Variants in CYB5B observed in about 807,000 individuals in gnomAD.
The protein encoded by CYB5B is cytochrome b5 type B.
In CYB5B, 14 loss-of-function variants were observed where a neutral mutation model predicts 21.3. The ratio of observed to expected loss-of-function variants is 0.66; its 90% CI spans 0.43 to 1.03. The LOEUF is 1.03. Among genes scored for constraint, CYB5B ranks in the 50% least tolerant of loss-of-function variants. CYB5B has a pLI of 0.00. For synonymous variants in CYB5B, 69 were observed against 68.4 expected (o/e 1.01, Z -0.04); for missense variants, 166 against 185.1 (o/e 0.90, Z 0.60).
At chr16:69,461,873 T>C (rs1036017779) in intron 4 of CYB5B, among the ~76,000 whole-genome samples, 1 of 152,216 alleles carries the variant, frequency 6.6e-6, no homozygotes, top group Non-Finnish European at 1.5e-5. Flanking sequence ...ATTTCCCTTG[T>C]ATGAGATGAG....
chr16:69,447,303 C>T, intron 2 of CYB5B, 25 bp downstream of exon 2: 1 of 1,607,696 alleles, frequency 6.2e-7, no homozygotes, highest in South Asian at 1.1e-5. Flanking sequence ...AGATGGGAGC[C>T]CTTATGCAGA....
At chr16:69,455,371 T>G (rs922539995) in intron 3 of CYB5B, among the ~76,000 whole-genome samples, 2 of 151,744 alleles carry the variant, frequency 1.3e-5, no homozygotes, top group South Asian at 2.1e-4. Flanking sequence ...TCTATGTGGT[T>G]GCCAGTTGAG....
intron 1 of CYB5B, among the ~76,000 whole-genome samples, chr16:69,439,962 G>A (rs2014802503): frequency 6.6e-6 from 1 of 151,838 alleles, no homozygotes; most frequent in African/African-American, 2.4e-5. Flanking sequence ...TTGAACTCCT[G>A]GGCTCAAGCA....
At chr16:69,428,747 C>T (rs1340739627) in intron 1 of CYB5B, among the ~76,000 whole-genome samples, 1 of 151,884 alleles carries the variant, frequency 6.6e-6, no homozygotes, top group African/African-American at 2.4e-5. Flanking sequence ...AGCGATGGTG[C>T]CGAGATAACT....
In CYB5B at chr16:69,446,708, G is replaced by A. The variant is rs551972217; in HGVS notation, c.175-442G>A. On this transcript the variant is annotated intron_variant, in intron 1 of 4. Transcript: ENST00000307892. ...AAAGAATTGCATATACCCTTTGCCT[G>A]GAGTCCTTAGTCAGGTTTCTGCAGC... Among the ~76,000 whole-genome samples the A allele has an allele frequency of 2.6e-5, 4 of 152,326 alleles. No homozygotes were observed. In the East Asian group the frequency reaches 7.7e-4, roughly 29 times the overall value.
At chr16:69,455,448 A>G (rs1329106725) in intron 3 of CYB5B, among the ~76,000 whole-genome samples, 1 of 132,716 alleles carries the variant, frequency 7.5e-6, no homozygotes, top group Non-Finnish European at 1.6e-5. Flanking sequence ...CACTCTTGTC[A>G]CCAGGCTGGA....
intron 4 of CYB5B, 156 bp downstream of exon 4, chr16:69,459,277 T>G: frequency 2.1e-6 from 2 of 974,270 alleles, no homozygotes; most frequent in Non-Finnish European, 2.9e-6. Context: ...TCCTTGACAT[T>G]AGAAAAATTA....
intron 1 of CYB5B, among the ~76,000 whole-genome samples, chr16:69,433,411 G>A (rs2014726611): frequency 1.3e-5 from 2 of 152,140 alleles, no homozygotes; most frequent in African/African-American, 4.8e-5. Flanking sequence ...ACAAGCCAAA[G>A]TGAATGTAGT....
chr16:69,453,932 A>G (rs1467905940), intron 3 of CYB5B, among the ~76,000 whole-genome samples: 1 of 152,226 alleles, frequency 6.6e-6, no homozygotes, highest in Non-Finnish European at 1.5e-5. Context: ...ATAGAATGTG[A>G]TGACAAAATT....
intron 3 of CYB5B, among the ~76,000 whole-genome samples, chr16:69,456,759 A>G (rs1302369898): frequency 6.6e-6 from 1 of 152,216 alleles, no homozygotes; most frequent in Non-Finnish European, 1.5e-5. Context: ...AGCTGTGGAA[A>G]TGAAGACTGG....
At position 69,462,764 on chromosome 16, in the gene CYB5B, C is replaced by T. The variant is rs1290810094; in HGVS notation, c.*244C>T. ...CAATTGCCGGTGTTTCCTCTCTTCA[C>T]TGGTTTCCATGAGTACCCTTATATT... On this transcript the variant is annotated 3_prime_UTR_variant, in exon 5 of 5. Transcript: ENST00000307892. 1.5e-5 allele frequency: 7 copies of T among 466,500 alleles called. No homozygotes were observed. Among genetic ancestry groups the T allele is most frequent in the South Asian group, 1.0e-4 (4 of 38,410 alleles). 28.9% of individuals were successfully genotyped at this position (466,500 alleles called of 1,614,324 possible). A position where few individuals can be genotyped will look rare whatever the true frequency, so the allele number is the denominator to read the frequency against.
At chr16:69,425,043 T>G (rs1455426054) in intron 1 of CYB5B, among the ~76,000 whole-genome samples, 186 bp downstream of exon 1, 2 of 152,206 alleles carry the variant, frequency 1.3e-5, no homozygotes, top group Non-Finnish European at 2.9e-5. Flanking sequence ...GCATTTCCAG[T>G]CAGCTCCGAG....
chr16:69,446,718 G>C (rs570254249), intron 1 of CYB5B, among the ~76,000 whole-genome samples: 1 of 152,338 alleles, frequency 6.6e-6, no homozygotes, highest in Non-Finnish European at 1.5e-5. Context: ...GGAGTCCTTA[G>C]TCAGGTTTCT....
intron 3 of CYB5B, among the ~76,000 whole-genome samples, chr16:69,456,870 A>G (rs770277596): frequency 6.6e-6 from 1 of 152,174 alleles, no homozygotes; most frequent in Non-Finnish European, 1.5e-5. Context: ...GTTTATTTCC[A>G]AATTTGGCTG....
chr16:69,444,295 TGTCTTC>T (rs2014855373), intron 1 of CYB5B: 3 of 152,484 alleles, frequency 2.0e-5, no homozygotes, highest in Admixed American at 2.0e-4. Flanking sequence ...TCCTACCCTC[TGTCTTC>T]ACTGAGAGCT....
chr16:69,438,769 GGA>G (rs1202409253), intron 1 of CYB5B, among the ~76,000 whole-genome samples: 6 of 152,202 alleles, frequency 3.9e-5, no homozygotes, highest in African/African-American at 7.2e-5. Flanking sequence ...AATGTGAGAA[GGA>G]GAGAGAGCGA....
At chr16:69,455,580 G>C (rs915335104) in intron 3 of CYB5B, among the ~76,000 whole-genome samples, 5 of 151,636 alleles carry the variant, frequency 3.3e-5, no homozygotes, top group Admixed American at 6.6e-5. Context: ...GCTAATTTTT[G>C]TATTTTTAGT....
At chr16:69,446,626 G>A (rs1430665293) in intron 1 of CYB5B, among the ~76,000 whole-genome samples, 2 of 152,266 alleles carry the variant, frequency 1.3e-5, no homozygotes, top group Non-Finnish European at 2.9e-5. Context: ...GCCTGGCCTA[G>A]TTAACTTTTT....
intron 1 of CYB5B, among the ~76,000 whole-genome samples, 158 bp downstream of exon 1, chr16:69,425,015 G>T (rs1372058956): frequency 6.6e-6 from 1 of 152,140 alleles, no homozygotes; most frequent in Non-Finnish European, 1.5e-5. Context: ...GGGATTGGGG[G>T]AGGGCTTTAG....
Sources: allele counts gnomAD v4.1 joint callset (sites outside exome capture counted in the v4.1 genomes callset), GRCh38; gene constraint gnomAD v4.1.1; transcripts MANE v1.5; gene names NCBI Gene and HGNC (gene_info 2026-07-23, HGNC 2026-07-21).